Variants in KCNIP4 observed in about 807,000 individuals in gnomAD.
The protein encoded by KCNIP4 is potassium voltage-gated channel interacting protein 4.
Under a neutral mutation model 34.0 loss-of-function variants are expected in KCNIP4, and 12 were observed. The observed-to-expected ratio is 0.35, with a 90% CI of 0.23 to 0.57. KCNIP4 has a LOEUF of 0.57. Ranked by LOEUF, KCNIP4 falls within the 20% of genes least tolerant of loss-of-function variation. The probability of loss-of-function intolerance (pLI) is 0.83; values close to 1 mark genes in which losing one functional copy is unlikely to be tolerated. For synonymous variants in KCNIP4, 124 were observed against 102.2 expected (o/e 1.21, Z -1.29); for missense variants, 238 against 311.7 (o/e 0.76, Z 1.78).
rs1305501001 is a variant in KCNIP4 at position 21,090,760 on chromosome 4, TAATC to T, written c.62-208055_62-208052del. On this transcript the variant is annotated intron_variant, in intron 1 of 8. Coordinates refer to ENST00000382152, the MANE Select transcript of KCNIP4 (RefSeq NM_025221.6). ...ATTTGTTATGTCTCATTTTGAAAAA[TAATC>T]AAATTTGAAATAAAATGTGTTTTAG... Among the ~76,000 whole-genome samples the T allele has an allele frequency of 2.6e-5, 4 of 152,102 alleles. No homozygotes were observed. In the East Asian group the frequency reaches 7.7e-4, roughly 29 times the overall value.
At chr4:21,400,662 T>C (rs1723476769) in intron 1 of KCNIP4, among the ~76,000 whole-genome samples, 1 of 152,044 alleles carries the variant, frequency 6.6e-6, no homozygotes, top group African/African-American at 2.4e-5. Context: ...GCAAATCTAT[T>C]AATGGGGGTG....
At chr4:21,175,415 G>A (rs1165617023) in intron 1 of KCNIP4, among the ~76,000 whole-genome samples, 1 of 152,076 alleles carries the variant, frequency 6.6e-6, no homozygotes, top group East Asian at 1.9e-4. Flanking sequence ...TGACCCCTAT[G>A]TCTATTACAC....
chr4:21,307,466 T>C (rs752954894), intron 1 of KCNIP4, among the ~76,000 whole-genome samples: 12 of 152,296 alleles, frequency 7.9e-5, no homozygotes, highest in East Asian at 5.8e-4. Flanking sequence ...CTCCAAAGCA[T>C]TGTCACCACC....
At chr4:20,754,313 G>A (rs944501823) in intron 4 of KCNIP4, among the ~76,000 whole-genome samples, 1 of 152,174 alleles carries the variant, frequency 6.6e-6, no homozygotes, top group Non-Finnish European at 1.5e-5. Context: ...AGAGAGTTCT[G>A]TAGATAAGAC....
At chr4:20,930,434 C>T (rs1246110672) in intron 1 of KCNIP4, among the ~76,000 whole-genome samples, 1 of 151,924 alleles carries the variant, frequency 6.6e-6, no homozygotes, top group Non-Finnish European at 1.5e-5. Context: ...GGGAAAAATT[C>T]CTTGATATTG....
chr4:21,039,034 A>T (rs1175920644), intron 1 of KCNIP4, among the ~76,000 whole-genome samples: 1 of 152,124 alleles, frequency 6.6e-6, no homozygotes, highest in Non-Finnish European at 1.5e-5. Flanking sequence ...AAGCTAGAAG[A>T]GGCAGACGTG....
At chr4:21,494,559 G>A (rs1310926798) in intron 1 of KCNIP4, among the ~76,000 whole-genome samples, 2 of 152,024 alleles carry the variant, frequency 1.3e-5, no homozygotes, top group Non-Finnish European at 2.9e-5. Flanking sequence ...CGGACCATGA[G>A]GTCAGGAGTT....
chr4:21,464,626 G>A (rs1054663316), intron 1 of KCNIP4: 78 of 152,114 alleles, frequency 5.1e-4, no homozygotes, highest in African/African-American at 1.6e-3. Flanking sequence ...CCTGGGGAAT[G>A]TTCCATATGT....
At chr4:21,703,156 T>C (rs988454107) in intron 1 of KCNIP4, among the ~76,000 whole-genome samples, 1 of 152,054 alleles carries the variant, frequency 6.6e-6, no homozygotes, top group Non-Finnish European at 1.5e-5. Flanking sequence ...TGATTAATGG[T>C]GAAAGGCTGA....
chr4:21,318,785 T>A (rs1208906899), intron 1 of KCNIP4, among the ~76,000 whole-genome samples: 1 of 152,164 alleles, frequency 6.6e-6, no homozygotes, highest in Non-Finnish European at 1.5e-5. Flanking sequence ...ATGAGTGTAA[T>A]CCTGCAGTTT....
At chr4:21,088,568 C>T (rs1211858311) in intron 1 of KCNIP4, among the ~76,000 whole-genome samples, 2 of 152,122 alleles carry the variant, frequency 1.3e-5, no homozygotes, top group Non-Finnish European at 2.9e-5. Flanking sequence ...TATCTGGGCC[C>T]TGCGTGTCTC....
At chr4:21,382,288 G>A (rs1486644296) in intron 1 of KCNIP4, among the ~76,000 whole-genome samples, 1 of 152,130 alleles carries the variant, frequency 6.6e-6, no homozygotes, top group African/African-American at 2.4e-5. Flanking sequence ...TAAAGACTAT[G>A]GCTTTTATTC....
At chr4:21,357,374 G>C (rs1419649564) in intron 1 of KCNIP4, among the ~76,000 whole-genome samples, 19 of 152,036 alleles carry the variant, frequency 1.2e-4, no homozygotes, top group Admixed American at 6.6e-5. Context: ...TCAGAGTGAA[G>C]AGGCAACCTA....
chr4:21,682,055 A>AT (rs1750403615), intron 1 of KCNIP4, among the ~76,000 whole-genome samples: 2 of 151,552 alleles, frequency 1.3e-5, no homozygotes, highest in East Asian at 1.9e-4. Context: ...TGCCCAGCTA[A>AT]TTTTTTTTGT....
rs548585409 is a variant in KCNIP4 at position 21,935,792 on chromosome 4, C to A, written c.61+12779G>T. 1.2e-4 allele frequency among the ~76,000 whole-genome samples: 19 copies of A among 152,170 alleles called. No individual in the cohort carries two copies. The East Asian group carries it at 3.7e-3, about 30-fold the overall frequency. ...ACAACTCACATTTATAGGGCCTTAT[C>A]TATTTGTCAGGCACTGTGCTAAGCA... On this transcript the variant is annotated intron_variant, in intron 1 of 8. Transcript: ENST00000382152.
At chr4:21,716,298 G>A (rs10029020) in intron 1 of KCNIP4, among the ~76,000 whole-genome samples, 12,941 of 151,998 alleles carry the variant, frequency 0.085, 1,863 homozygotes, top group African/African-American at 0.3. Context: ...GTGCAATGGC[G>A]TGATCTCGGC....
At chr4:21,464,809 C>T (rs1254374331) in intron 1 of KCNIP4, 2 of 152,084 alleles carry the variant, frequency 1.3e-5, no homozygotes, top group African/African-American at 4.8e-5. Flanking sequence ...AGCAGAAATA[C>T]TTGACTAGTT....
At chr4:20,996,175 C>A (rs1372012019) in intron 1 of KCNIP4, among the ~76,000 whole-genome samples, 1 of 152,166 alleles carries the variant, frequency 6.6e-6, no homozygotes, top group Admixed American at 6.5e-5. Flanking sequence ...TGTATCTGAC[C>A]AATTCTCACT....
rs367553482 is a variant in KCNIP4, at chr4:21,370,882, C to CACACACACACACACGT, written c.62-488174_62-488173insACGTGTGTGTGTGTGT. On this transcript the variant is annotated intron_variant, in intron 1 of 8. Transcript: ENST00000382152. The stretch of plus-strand genomic sequence containing the variant: ...ACACACACACACACACACACACACA[C>CACACACACACACACGT]GTGTGTGTGTGTGTGTGTGTATTAG... Among the ~76,000 whole-genome samples the CACACACACACACACGT allele has an allele frequency of 3.0e-4, 12 of 39,394 alleles. 1 individual carries two copies. Among genetic ancestry groups the CACACACACACACACGT allele is most frequent in the African/African-American group, 4.0e-4 (4 of 10,042 alleles). 25.8% of individuals were successfully genotyped at this position (39,394 alleles called of 152,430 possible). A position where few individuals can be genotyped will look rare whatever the true frequency, so the allele number is the denominator to read the frequency against.
Sources: gnomAD v4.1 joint callset for allele counts (sites outside exome capture counted in the v4.1 genomes callset) on GRCh38, gnomAD v4.1.1 for gene constraint, MANE v1.5 for transcripts, NCBI Gene and HGNC (gene_info 2026-07-23, HGNC 2026-07-21) for gene names.